Variants in ATP11A observed in about 807,000 individuals in gnomAD.
The protein encoded by ATP11A is phospholipid-transporting ATPase IH.
ATP11A carries 81 observed loss-of-function variants against 154.4 expected under a neutral mutation model. That is an observed-to-expected ratio of 0.52 (90% CI 0.44 to 0.63). The LOEUF is 0.63. ATP11A is among the 30% of genes least tolerant of loss of function. The probability of loss-of-function intolerance (pLI) is 0.00; values close to 1 mark genes in which losing one functional copy is unlikely to be tolerated. For missense variants in ATP11A, 1,316 were observed against 1,474.3 expected (o/e 0.89, Z 1.76); for synonymous variants, 623 against 585.9 (o/e 1.06, Z -0.91).
intron 11 of ATP11A, 61 bp from the exon 12 acceptor site, chr13:112,826,633 A>C (rs879240745): frequency 7.5e-7 from 1 of 1,339,540 alleles, no homozygotes; most frequent in African/African-American, 1.4e-5. Context: ...TTAGAGCAGC[A>C]TGTTGGAGGC....
At position 112,859,384 on chromosome 13, in the gene ATP11A, G is replaced by T. The variant is rs1247030018; in HGVS notation, c.2668-9G>T. On this transcript the variant is annotated splice_polypyrimidine_tract_variant and intron_variant, in intron 22 of 29. Transcript: ENST00000375645. The surrounding 1 kb of genome is among the most constrained non-coding windows in gnomAD (Gnocchi z 4.3). ...GTCACCGAACTAACAGTTATGCCTT[G>T]CCTTTCAGAACGTCTGCTTCATCTT... is the stretch of plus-strand genomic sequence containing the variant. 6.2e-7 allele frequency: 1 copy of T among 1,613,700 alleles called. No individual in the cohort carries two copies. The highest frequency in any genetic ancestry group is 8.5e-7 in the Non-Finnish European group (1 of 1,179,608).
intron 10 of ATP11A, among the ~76,000 whole-genome samples, chr13:112,824,886 T>G (rs2078892995): frequency 6.6e-6 from 1 of 152,234 alleles, no homozygotes; most frequent in South Asian, 2.1e-4. Context: ...GGTAGCTGAA[T>G]TTGTGCTGGA....
chr13:112,805,187 A>T, intron 3 of ATP11A, 141 bp downstream of exon 3: 14 of 580,832 alleles, frequency 2.4e-5, no homozygotes, highest in East Asian at 3.2e-5. Context: ...TATTTTCTTA[A>T]GGAAGGGCAA....
intron 11 of ATP11A, among the ~76,000 whole-genome samples, chr13:112,826,219 C>T (rs912899953): frequency 4.6e-5 from 7 of 152,236 alleles, no homozygotes; most frequent in Non-Finnish European, 7.3e-5. Context: ...GGGGCTATCT[C>T]TGCATCATCT....
At position 112,766,849 on chromosome 13, in the gene ATP11A, C is replaced by A. The variant is rs190447264; in HGVS notation, c.40-18286C>A. Among the ~76,000 whole-genome samples the A allele has an allele frequency of 1.5e-3, 64 of 41,654 alleles. 3 individuals carry two copies. Among genetic ancestry groups the A allele is most frequent in the Admixed American group, 1.7e-3 (7 of 4,054 alleles). 27.3% of individuals were successfully genotyped at this position (41,654 alleles called of 152,430 possible). ...GGGAGATGTGGGGGTGTTGGGGGCC[C>A]CTGTGGGAAGGTGGGGAGGGTGTGG... On this transcript the variant is annotated intron_variant, in intron 1 of 29. Coordinates refer to ENST00000375645, the MANE Select transcript of ATP11A (RefSeq NM_015205.3).
intron 1 of ATP11A, among the ~76,000 whole-genome samples, chr13:112,742,736 C>T (rs937972082): frequency 9.9e-5 from 15 of 152,176 alleles, no homozygotes; most frequent in Admixed American, 3.3e-4. Context: ...TGCCTCCCCG[C>T]AGTGTGGCTG....
chr13:112,804,570 A>T (rs1321835924), intron 2 of ATP11A, among the ~76,000 whole-genome samples: 2 of 146,930 alleles, frequency 1.4e-5, no homozygotes, highest in Non-Finnish European at 3.0e-5. Context: ...GAGCTGGGTG[A>T]AGGCTTCCAT....
At chr13:112,835,086 G>A (rs532771269) in intron 15 of ATP11A, among the ~76,000 whole-genome samples, 16 of 152,378 alleles carry the variant, frequency 1.1e-4, no homozygotes, top group South Asian at 8.3e-4. Flanking sequence ...CACGTGCTGG[G>A]AGCACAGCGT....
intron 1 of ATP11A, among the ~76,000 whole-genome samples, chr13:112,718,522 G>T (rs1888764000): frequency 6.6e-6 from 1 of 152,194 alleles, no homozygotes; most frequent in Non-Finnish European, 1.5e-5. Context: ...CTCCCTCCGA[G>T]GTGTGTGCGG....
intron 5 of ATP11A, among the ~76,000 whole-genome samples, chr13:112,814,775 T>C (rs1434847309): frequency 2.0e-5 from 3 of 152,234 alleles, no homozygotes; most frequent in Non-Finnish European, 1.5e-5. Flanking sequence ...AGGCTGGACA[T>C]TGGGGATACG....
intron 2 of ATP11A, among the ~76,000 whole-genome samples, chr13:112,793,779 C>T (rs1012002271): frequency 1.3e-5 from 2 of 152,210 alleles, no homozygotes; most frequent in Admixed American, 6.5e-5. Context: ...CTCCTGCGGG[C>T]GCCTGGGCTG....
In ATP11A at chr13:112,796,978, C is replaced by A. The variant is rs141082365; in HGVS notation, c.163-7979C>A. On this transcript the variant is annotated intron_variant, in intron 2 of 29. Coordinates refer to ENST00000375645, the MANE Select transcript of ATP11A (RefSeq NM_015205.3). ...CTGTGGACAACTACAATAGGTGAAG[C>A]AGGCCAGGCACGGTGGTCACGCCTG... Among the ~76,000 whole-genome samples, 190 of 152,198 alleles carry A rather than the reference C, an allele frequency of 1.2e-3. No individual in the cohort carries two copies. In the East Asian group the frequency reaches 0.013, roughly 10 times the overall value.
Position 112,875,582 on chromosome 13 carries a change from T to G in ATP11A, c.3162-194T>G, listed in dbSNP as rs1263714325. Among the ~76,000 whole-genome samples, 1 of 151,838 alleles carries G rather than the reference T, an allele frequency of 6.6e-6. No homozygotes were observed. Among genetic ancestry groups the G allele is most frequent in the African/African-American group, 2.4e-5 (1 of 41,282 alleles). On this transcript the variant is annotated intron_variant, in intron 27 of 29. Coordinates refer to ENST00000375645, the MANE Select transcript of ATP11A (RefSeq NM_015205.3). This position sits in a 1 kb window ranked among gnomAD's most constrained non-coding sequence, Gnocchi z 4.1. ...TTCATAGAATTCCTTCTCCCGTTCCTCTTACCCCAGCATTACCGGGAGGTT... is the reference window on the plus strand; with the variant it reads ...TTCATAGAATTCCTTCTCCCGTTCCGCTTACCCCAGCATTACCGGGAGGTT...
chr13:112,791,510 C>A (rs1488705898), intron 2 of ATP11A, among the ~76,000 whole-genome samples: 1 of 152,230 alleles, frequency 6.6e-6, no homozygotes, highest in Non-Finnish European at 1.5e-5. Flanking sequence ...TCCTGGTACC[C>A]CTGGCAGGGG....
chr13:112,713,631 A>G (rs1888017281), intron 1 of ATP11A, among the ~76,000 whole-genome samples: 1 of 152,180 alleles, frequency 6.6e-6, no homozygotes, highest in Admixed American at 6.5e-5. Context: ...TTAATGCCAC[A>G]GCTTCTGAGA....
chr13:112,876,202 C>G (rs947746130), intron 28 of ATP11A: 1 of 312,236 alleles, frequency 3.2e-6, no homozygotes, highest in Non-Finnish European at 5.8e-6. Flanking sequence ...ATGCAAAAGG[C>G]AAATTATTTC....
intron 1 of ATP11A, among the ~76,000 whole-genome samples, chr13:112,725,165 C>T (rs1594430927): frequency 6.6e-6 from 1 of 152,306 alleles, no homozygotes; most frequent in Non-Finnish European, 1.5e-5. Context: ...CACTGCAAAC[C>T]CCCCTTGTGG....
intron 5 of ATP11A, among the ~76,000 whole-genome samples, chr13:112,815,144 T>C (rs891633120): frequency 6.6e-6 from 1 of 152,172 alleles, no homozygotes; most frequent in Non-Finnish European, 1.5e-5. Flanking sequence ...CCTTCAGACA[T>C]GCAGCCCAGA....
Position 112,690,243 on chromosome 13 carries a change from C to A in ATP11A, c.-174C>A, listed in dbSNP as rs1453915480. 1 of 213,656 alleles carries A rather than the reference C, an allele frequency of 4.7e-6. No individual in the cohort carries two copies. The highest frequency in any genetic ancestry group is 8.1e-6 in the Non-Finnish European group (1 of 124,028). 13.2% of individuals were successfully genotyped at this position (213,656 alleles called of 1,614,324 possible). A position where few individuals can be genotyped will look rare whatever the true frequency, so the allele number is the denominator to read the frequency against. On this transcript the variant is annotated 5_prime_UTR_variant, in exon 1 of 30. Coordinates refer to ENST00000375645, the MANE Select transcript of ATP11A (RefSeq NM_015205.3). The surrounding 1 kb of genome is among the most constrained non-coding windows in gnomAD (Gnocchi z 5.6). ...CGCGGGGCCGCGGACCCAGCATTCGCCGGCCGGGCCGGGCATGAGCGCGGA... is the reference window on the plus strand; with the variant it reads ...CGCGGGGCCGCGGACCCAGCATTCGACGGCCGGGCCGGGCATGAGCGCGGA...
Sources: gnomAD v4.1 joint callset for allele counts (sites outside exome capture counted in the v4.1 genomes callset) on GRCh38, gnomAD v4.1.1 for gene constraint, Gnocchi (gnomAD v3.1) non-coding constraint, MANE v1.5 for transcripts, NCBI Gene and HGNC (gene_info 2026-07-23, HGNC 2026-07-21) for gene names.